CEP78: variants seen among roughly 807,000 people sequenced by gnomAD.
CEP78 encodes the protein centrosomal protein 78.
Under a neutral mutation model 81.2 loss-of-function variants are expected in CEP78, and 76 were observed. That is an observed-to-expected ratio of 0.94 (90% CI 0.78 to 1.13). The LOEUF (loss-of-function observed/expected upper bound fraction) is 1.13. Among genes scored for constraint, CEP78 ranks in the 50% most tolerant of loss-of-function variants. The probability of loss-of-function intolerance (pLI) is 0.00; values close to 1 mark genes in which losing one functional copy is unlikely to be tolerated. For synonymous variants in CEP78, 293 were observed against 301.4 expected (o/e 0.97, Z 0.29); for missense variants, 918 against 846.8 (o/e 1.08, Z -1.04).
chr9:78,255,424 T>TA (rs1157596087), intron 11 of CEP78, among the ~76,000 whole-genome samples: 1 of 152,136 alleles, frequency 6.6e-6, no homozygotes, highest in Non-Finnish European at 1.5e-5. Context: ...TTTATATACT[T>TA]ACATGTAGCT....
intron 6 of CEP78, among the ~76,000 whole-genome samples, 179 bp from the exon 7 acceptor site, chr9:78,248,112 T>G (rs531990455): frequency 6.0e-4 from 91 of 152,222 alleles, no homozygotes; most frequent in Non-Finnish European, 1.0e-3. Context: ...GTAGGAATAC[T>G]TTGTTTTTGA....
At chr9:78,244,162 C>G (rs1270391209) in intron 5 of CEP78, among the ~76,000 whole-genome samples, 1 of 118,074 alleles carries the variant, frequency 8.5e-6, no homozygotes, top group Admixed American at 1.0e-4. Context: ...TTTTTTGAGA[C>G]AGGGTCTTTC....
intron 10 of CEP78, 83 bp from the exon 11 acceptor site, chr9:78,254,753 C>A: frequency 8.8e-7 from 1 of 1,135,720 alleles, no homozygotes; most frequent in Non-Finnish European, 1.3e-6. Context: ...CTTAACACTT[C>A]AGAAAGATCA....
At position 78,236,269 on chromosome 9, in the gene CEP78, C is replaced by A; in HGVS notation, c.-82C>A. On this transcript the variant is annotated 5_prime_UTR_variant, in exon 1 of 17. Transcript: ENST00000643273. ...TATCGCCTGGCCGTGGGTGCCGGAGCGGCCGGGTTGCGACTCAGCGTTCTT... is the reference window on the plus strand; with the variant it reads ...TATCGCCTGGCCGTGGGTGCCGGAGAGGCCGGGTTGCGACTCAGCGTTCTT... The A allele has an allele frequency of 1.6e-6, 2 of 1,276,268 alleles. No individual in the cohort carries two copies. The highest frequency in any genetic ancestry group is 1.5e-5 in the African/African-American group (1 of 65,562). 79.1% of individuals were successfully genotyped at this position (1,276,268 alleles called of 1,614,324 possible).
At position 78,239,928 on chromosome 9, in the gene CEP78, A is replaced by T. The variant is rs1245723668; in HGVS notation, c.254-95A>T. ...TCTGTGCTTAAGAGGACTTTAAAGG[A>T]CATGGCTCATTTCTATGTCTTAGCA... On this transcript the variant is annotated intron_variant, in intron 1 of 16. Coordinates refer to ENST00000643273, the MANE Select transcript of CEP78 (RefSeq NM_001330691.3). The T allele has an allele frequency of 1.0e-5, 11 of 1,054,106 alleles. No homozygotes were observed. The East Asian group carries it at 2.9e-4, about 28-fold the overall frequency. The allele number at this position is 1,054,106 out of a possible 1,614,324, so 65.3% of individuals were successfully genotyped here. A position where few individuals can be genotyped will look rare whatever the true frequency, so the allele number is the denominator to read the frequency against.
In CEP78 at chr9:78,248,861, A is replaced by C; in HGVS notation, c.1057A>C (p.Thr353Pro). Residue 353 changes from threonine to proline, a missense_variant, in exon 8 of 17, where the codon ACT becomes CCT. Thr to Pro is a conservative substitution (Grantham distance 38). Coordinates refer to ENST00000643273, the MANE Select transcript of CEP78 (RefSeq NM_001330691.3). The stretch of plus-strand genomic sequence containing the variant: ...AGGAAGTGGTCACAAAGGAAAAGCT[A>C]CTATTAGAATTGGTAACCTTTTCTG... The part of the protein sequence containing the change: ...ILGSGHKGKA[T>P]IRIGLATKKP... 1 of 1,565,838 alleles carries C rather than the reference A, an allele frequency of 6.4e-7. No homozygotes were observed. The highest frequency in any genetic ancestry group is 8.7e-7 in the Non-Finnish European group (1 of 1,146,958).
At chr9:78,246,623 A>G in intron 5 of CEP78, 46 bp from the exon 6 acceptor site, 9 of 1,273,140 alleles carry the variant, frequency 7.1e-6, no homozygotes, top group Non-Finnish European at 1.0e-5. Context: ...AACAAACAAA[A>G]AATCTGTATA....
chr9:78,243,304 C>CA, intron 4 of CEP78, among the ~76,000 whole-genome samples, 158 bp from the exon 5 acceptor site: 1 of 152,312 alleles, frequency 6.6e-6, no homozygotes, highest in Non-Finnish European at 1.5e-5. Flanking sequence ...ACTCCTTACT[C>CA]AAAATCTACT....
chr9:78,240,425 C>T, intron 3 of CEP78, 61 bp downstream of exon 3: 1 of 1,322,032 alleles, frequency 7.6e-7, no homozygotes, highest in Non-Finnish European at 1.1e-6. Flanking sequence ...TCCCTACATG[C>T]CATGTTAATT....
chr9:78,243,013 G>T (rs1317458913), intron 4 of CEP78, among the ~76,000 whole-genome samples: 1 of 152,034 alleles, frequency 6.6e-6, no homozygotes, highest in Non-Finnish European at 1.5e-5. Flanking sequence ...TATGTATATA[G>T]AAATTCCTGT....
intron 13 of CEP78, among the ~76,000 whole-genome samples, chr9:78,264,664 AAG>A (rs1282412561): frequency 3.3e-5 from 5 of 150,146 alleles, no homozygotes; most frequent in South Asian, 2.1e-4. Context: ...AAAAAAAAAA[AAG>A]AGTAACTTGT....
chr9:78,253,396 T>C (rs777147078), intron 10 of CEP78, 119 bp downstream of exon 10: 17 of 669,750 alleles, frequency 2.5e-5, no homozygotes, highest in Non-Finnish European at 4.5e-5. Context: ...CTGAAGTAAA[T>C]TCTTTAAAAA....
Position 78,236,328 on chromosome 9 carries a change from T to G in CEP78, c.-23T>G, listed in dbSNP as rs973947175. The G allele has an allele frequency of 6.5e-7, 1 of 1,543,936 alleles. No individual in the cohort carries two copies. The highest frequency in any genetic ancestry group is 1.4e-5 in the African/African-American group (1 of 72,548). ...GCGGGCGGCGTCTCCGCGGCGGGCA[T>G]CCCCCGAGGCCGCCCTCGGGCCATG... On this transcript the variant is annotated 5_prime_UTR_variant, in exon 1 of 17. Coordinates refer to ENST00000643273, the MANE Select transcript of CEP78 (RefSeq NM_001330691.3).
chr9:78,240,557 G>C (rs1826179031), intron 3 of CEP78, among the ~76,000 whole-genome samples, 193 bp downstream of exon 3: 1 of 152,192 alleles, frequency 6.6e-6, no homozygotes, highest in Non-Finnish European at 1.5e-5. Context: ...ACTTAAGTTT[G>C]TGTTAAACCA....
rs1055823325 is a variant in CEP78 at position 78,275,708 on chromosome 9, A to G, written c.*4857A>G. Reference sequence around the variant, plus strand: ...CACTTTGGGACACCAAAGTGGGAACATTGCTGAGACCAGCAGTTTGAGACC... The same window carrying G: ...CACTTTGGGACACCAAAGTGGGAACGTTGCTGAGACCAGCAGTTTGAGACC... On this transcript the variant is annotated 3_prime_UTR_variant, in exon 17 of 17. Coordinates refer to ENST00000643273, the MANE Select transcript of CEP78 (RefSeq NM_001330691.3). 1.1e-4 allele frequency: 17 copies of G among 152,072 alleles called. No homozygotes were observed. Among genetic ancestry groups the G allele is most frequent in the African/African-American group, 3.9e-4 (16 of 41,424 alleles). 9.4% of individuals were successfully genotyped at this position (152,072 alleles called of 1,614,324 possible). A position where few individuals can be genotyped will look rare whatever the true frequency, so the allele number is the denominator to read the frequency against.
rs1235106357 is a variant in CEP78, at chr9:78,270,935, A to G, written c.*84A>G. ...AACAGTGAAATTTCTGGAAGATAAG[A>G]AGCAGATGATTTAAGTACCAGTTAA... On this transcript the variant is annotated 3_prime_UTR_variant, in exon 17 of 17. Coordinates refer to ENST00000643273, the MANE Select transcript of CEP78 (RefSeq NM_001330691.3). 1.6e-6 allele frequency: 1 copy of G among 633,730 alleles called. No homozygotes were observed. The highest frequency in any genetic ancestry group is 1.9e-5 in the African/African-American group (1 of 53,508). The allele number at this position is 633,730 out of a possible 1,614,324, so 39.3% of individuals were successfully genotyped here.
intron 13 of CEP78, 92 bp from the exon 14 acceptor site, chr9:78,265,280 G>C: frequency 9.7e-7 from 1 of 1,026,146 alleles, no homozygotes; most frequent in Non-Finnish European, 1.4e-6. Context: ...GATTTTAGAA[G>C]TATTTAATGA....
At chr9:78,237,012 A>G (rs1165230638) in intron 1 of CEP78, among the ~76,000 whole-genome samples, 6 of 82,154 alleles carry the variant, frequency 7.3e-5, no homozygotes, top group Non-Finnish European at 1.1e-4. Flanking sequence ...ACACTGTTTC[A>G]CTCTGTCGCC....
chr9:78,265,700 C>A (rs1012318525), intron 14 of CEP78, among the ~76,000 whole-genome samples, 157 bp downstream of exon 14: 3 of 152,106 alleles, frequency 2.0e-5, no homozygotes, highest in Non-Finnish European at 2.9e-5. Flanking sequence ...AGTTTGTGCC[C>A]ATTTCCTTAT....
Sources: allele counts gnomAD v4.1 joint callset (sites outside exome capture counted in the v4.1 genomes callset), GRCh38; gene constraint gnomAD v4.1.1; transcripts MANE v1.5; gene names NCBI Gene and HGNC (gene_info 2026-07-23, HGNC 2026-07-21).